The following CECR2 variants were observed in gnomAD, a reference collection of about 807,000 sequenced individuals.
The protein encoded by CECR2 is CECR2 histone acetyl-lysine reader.
A neutral mutation model predicts 154.5 loss-of-function variants in CECR2; 30 were observed. The ratio of observed to expected loss-of-function variants is 0.19; its 90% CI spans 0.15 to 0.26. The LOEUF is 0.26. CECR2 is among the 10% of genes least tolerant of loss of function. The pLI, the probability that CECR2 is intolerant of heterozygous loss-of-function variation, is 1.00. For synonymous variants in CECR2, 725 were observed against 683.7 expected (o/e 1.06, Z -0.94); for missense variants, 1,743 against 1,829.3 (o/e 0.95, Z 0.86).
At chr22:17,372,185 C>A (rs541000325) in intron 1 of CECR2, among the ~76,000 whole-genome samples, 2 of 152,254 alleles carry the variant, frequency 1.3e-5, no homozygotes, top group South Asian at 4.1e-4. Context: ...TATCCACACT[C>A]GTTTTTATTT....
At chr22:17,425,041 G>A (rs1346457146) in intron 1 of CECR2, among the ~76,000 whole-genome samples, 1 of 152,188 alleles carries the variant, frequency 6.6e-6, no homozygotes. Context: ...TATTCTTGAA[G>A]CTTGGCTTTT....
At position 17,548,135 on chromosome 22, in the gene CECR2, T is replaced by TC. The variant is rs2056642396; in HGVS notation, c.2861-13_2861-12insC. On this transcript the variant is annotated splice_polypyrimidine_tract_variant and intron_variant, in intron 16 of 18. Transcript: ENST00000262608. ...TGAGTTATTTTTTCTCCTCTTTTTT[T>TC]TTTTTTTTGCAGCAGAGCCGTTGCC... The TC allele has an allele frequency of 3.1e-5, 46 of 1,492,088 alleles. No individual in the cohort carries two copies. In the South Asian group the frequency reaches 6.0e-4, roughly 20 times the overall value. 92.4% of individuals were successfully genotyped at this position (1,492,088 alleles called of 1,614,324 possible).
Position 17,405,109 on chromosome 22 carries a change from T to C in CECR2, c.126+35200T>C, listed in dbSNP as rs192404574. ...TATTTCATTCTTTTTGATGCTATTA[T>C]ACATTTTTGAAAGTTTTAGGCCAGG... On this transcript the variant is annotated intron_variant, in intron 1 of 18. Coordinates refer to ENST00000262608, the MANE Select transcript of CECR2 (RefSeq NM_001290047.2). Among the ~76,000 whole-genome samples the C allele has an allele frequency of 9.5e-3, 1,448 of 152,278 alleles. 11 individuals are homozygous for C. The highest frequency in any genetic ancestry group is 0.028 in the South Asian group (134 of 4,830).
At chr22:17,465,239 G>A (rs945413456) in intron 1 of CECR2, among the ~76,000 whole-genome samples, 6 of 151,518 alleles carry the variant, frequency 4.0e-5, no homozygotes, top group African/African-American at 1.5e-4. Context: ...CTCGTGATCC[G>A]CCCGCCTCGG....
intron 6 of CECR2, among the ~76,000 whole-genome samples, chr22:17,503,344 C>G (rs2055774749): frequency 6.6e-6 from 1 of 152,166 alleles, no homozygotes; most frequent in Non-Finnish European, 1.5e-5. Context: ...TAGATCTTTT[C>G]ACTAGTGCCC....
rs2055695858 is a variant in CECR2 at position 17,499,458 on chromosome 22, T to A, written c.454T>A (p.Ser152Thr). ...TGTGGAGCCATTGGGTGAAGACAAT[T>A]CTGGGGCACTATATTGGTATTTCTA... ...LRVEPLGEDN[S>T]GALYWYFYGT... The change falls in exon 4 of 19, where the codon TCT becomes ACT. Residue 152 changes from serine (S) to threonine (T), a missense_variant. By Grantham distance (58) the Ser-to-Thr change is moderately conservative. This residue lies in a region of CECR2 where 98 missense variants were observed against 169.3 expected (regional missense o/e 0.58). Coordinates refer to ENST00000262608, the MANE Select transcript of CECR2 (RefSeq NM_001290047.2). 6.2e-7 allele frequency: 1 copy of A among 1,613,872 alleles called. No homozygotes were observed. The highest frequency in any genetic ancestry group is 2.2e-5 in the East Asian group (1 of 44,880).
At chr22:17,389,853 C>T (rs1569049778) in intron 1 of CECR2, among the ~76,000 whole-genome samples, 1 of 152,140 alleles carries the variant, frequency 6.6e-6, no homozygotes, top group Non-Finnish European at 1.5e-5. Context: ...GTCTTGAACT[C>T]CTGACCTCAG....
intron 1 of CECR2, among the ~76,000 whole-genome samples, chr22:17,436,233 C>G (rs1041225288): frequency 6.6e-6 from 1 of 152,210 alleles, no homozygotes; most frequent in African/African-American, 2.4e-5. Flanking sequence ...GCTGGGATTG[C>G]AGGTGTGAGC....
chr22:17,494,276 T>A (rs1368478890), intron 2 of CECR2, among the ~76,000 whole-genome samples: 3 of 152,170 alleles, frequency 2.0e-5, no homozygotes, highest in Non-Finnish European at 4.4e-5. Context: ...TTGTATTTAC[T>A]TTAGTAGAGA....
chr22:17,372,949 AAGAC>A (rs1278415135), intron 1 of CECR2, among the ~76,000 whole-genome samples: 3 of 152,322 alleles, frequency 2.0e-5, no homozygotes, highest in Non-Finnish European at 4.4e-5. Flanking sequence ...AGCAATCTCT[AAGAC>A]AGGTGAAGGG....
intron 2 of CECR2, among the ~76,000 whole-genome samples, chr22:17,487,622 G>A (rs2055445614): frequency 6.6e-6 from 1 of 152,120 alleles, no homozygotes; most frequent in Non-Finnish European, 1.5e-5. Context: ...AACCCGGGAG[G>A]CAGAGCTTGC....
At chr22:17,538,320 G>T (rs2056468213) in intron 10 of CECR2, among the ~76,000 whole-genome samples, 200 bp from the exon 11 acceptor site, 1 of 152,228 alleles carries the variant, frequency 6.6e-6, no homozygotes, top group South Asian at 2.1e-4. Context: ...TGAGGAAAGT[G>T]ACATTCCCAG....
chr22:17,486,659 A>C (rs1000352472), intron 2 of CECR2, among the ~76,000 whole-genome samples: 1 of 152,268 alleles, frequency 6.6e-6, no homozygotes, highest in Non-Finnish European at 1.5e-5. Flanking sequence ...AAATAATGCA[A>C]GTCACAGAAG....
chr22:17,439,826 G>GAAC (rs1569083461), intron 1 of CECR2, among the ~76,000 whole-genome samples: 1 of 152,186 alleles, frequency 6.6e-6, no homozygotes. Flanking sequence ...CTAAAATGGA[G>GAAC]AACAGAGTGA....
At chr22:17,380,503 A>G (rs1480472005) in intron 1 of CECR2, among the ~76,000 whole-genome samples, 1 of 152,196 alleles carries the variant, frequency 6.6e-6, no homozygotes, top group East Asian at 1.9e-4. Flanking sequence ...TTTATGAGCT[A>G]AATCAGGTCT....
At chr22:17,461,880 T>C (rs1210213804) in intron 1 of CECR2, among the ~76,000 whole-genome samples, 1 of 151,122 alleles carries the variant, frequency 6.6e-6, no homozygotes, top group East Asian at 2.0e-4. Context: ...GCAACCTCCG[T>C]CTCCAGGGTT....
chr22:17,481,530 C>G (rs1231914865), intron 2 of CECR2, among the ~76,000 whole-genome samples: 2 of 152,066 alleles, frequency 1.3e-5, no homozygotes, highest in East Asian at 1.9e-4. Context: ...GATTTTGACT[C>G]AACCAAGTGT....
chr22:17,542,516 G>T lies in CECR2; in HGVS notation c.2373G>T (p.Lys791Asn), dbSNP rs1185478111. ...TNQGPLGPDE[K>N]PHLGPGPSHQ... ...AAGGACCCTTGGGCCCAGATGAGAAGCCCCACCTGGGGCCAGGACCCTCTC... is the reference window on the plus strand; with the variant it reads ...AAGGACCCTTGGGCCCAGATGAGAATCCCCACCTGGGGCCAGGACCCTCTC... Residue 791 changes from lysine to asparagine, a missense_variant, in exon 16 of 19, where the codon AAG becomes AAT. This residue lies in a region of CECR2 where 1,250 missense variants were observed against 1,192.1 expected (regional missense o/e 1.05). Transcript: ENST00000262608. 3 of 1,613,844 alleles carry T rather than the reference G, an allele frequency of 1.9e-6. No individual in the cohort carries two copies. In the African/African-American group the frequency reaches 4.0e-5, roughly 22 times the overall value.
intron 1 of CECR2, among the ~76,000 whole-genome samples, chr22:17,465,924 T>G (rs1296680529): frequency 1.3e-5 from 2 of 152,152 alleles, no homozygotes; most frequent in Admixed American, 6.5e-5. Flanking sequence ...CTGCCTAAAG[T>G]GATTTTAATA....
Sources: allele counts gnomAD v4.1 joint callset (sites outside exome capture counted in the v4.1 genomes callset), GRCh38; gene constraint gnomAD v4.1.1; regional missense constraint gnomAD v4.1.1; transcripts MANE v1.5; gene names NCBI Gene and HGNC (gene_info 2026-07-23, HGNC 2026-07-21).